ARHGAP44: variants seen among roughly 807,000 people sequenced by gnomAD.
ARHGAP44 encodes rho GTPase-activating protein 44.
Under a neutral mutation model 106.8 loss-of-function variants are expected in ARHGAP44, and 43 were observed. The ratio of observed to expected loss-of-function variants is 0.40; its 90% CI spans 0.32 to 0.52. The LOEUF (loss-of-function observed/expected upper bound fraction) is 0.52, where lower values mean the gene tolerates loss of function less well. ARHGAP44 is among the 20% of genes least tolerant of loss of function. ARHGAP44 has a pLI of 0.48. For missense variants in ARHGAP44, 866 were observed against 1,050.5 expected (o/e 0.82, Z 2.43); for synonymous variants, 439 against 410.3 (o/e 1.07, Z -0.85).
intron 1 of ARHGAP44, among the ~76,000 whole-genome samples, chr17:12,875,445 A>G (rs1404183595): frequency 6.6e-6 from 1 of 151,674 alleles, no homozygotes; most frequent in Non-Finnish European, 1.5e-5. Flanking sequence ...AGTTTTAAAA[A>G]TTGCCAGGTG....
intron 16 of ARHGAP44, among the ~76,000 whole-genome samples, chr17:12,962,801 T>G (rs909622469): frequency 1.3e-5 from 2 of 152,116 alleles, no homozygotes; most frequent in Admixed American, 6.5e-5. Context: ...AGCCCAGCAC[T>G]TTGGGTGGCC....
intron 3 of ARHGAP44, among the ~76,000 whole-genome samples, chr17:12,907,578 G>A (rs1434697515): frequency 6.6e-6 from 1 of 152,152 alleles, no homozygotes; most frequent in African/African-American, 2.4e-5. Flanking sequence ...TATAATATGT[G>A]TCCTTTTGTG....
intron 18 of ARHGAP44, among the ~76,000 whole-genome samples, chr17:12,974,861 T>TG (rs1310890853): frequency 2.0e-5 from 3 of 151,642 alleles, no homozygotes; most frequent in African/African-American, 7.3e-5. Context: ...AATTTTTTTT[T>TG]TTTTTCGAGA....
chr17:12,939,736 G>T (rs2038654655), intron 7 of ARHGAP44, among the ~76,000 whole-genome samples: 1 of 152,208 alleles, frequency 6.6e-6, no homozygotes, highest in Non-Finnish European at 1.5e-5. Flanking sequence ...AAAGTGCTGG[G>T]ATTACAGGCG....
chr17:12,941,224 A>G (rs759536829), intron 8 of ARHGAP44, 100 bp downstream of exon 8: 4 of 1,129,888 alleles, frequency 3.5e-6, no homozygotes, highest in Non-Finnish European at 5.2e-6. Context: ...ATCATAGAAA[A>G]AGGTGGGAGC....
In ARHGAP44 at chr17:12,898,956, G is replaced by GATTTATTT. The variant is rs71369351; in HGVS notation, c.198+2470_198+2477dup. Among the ~76,000 whole-genome samples the GATTTATTT allele has an allele frequency of 9.9e-4, 147 of 149,236 alleles. 1 individual carries two copies. Among genetic ancestry groups the GATTTATTT allele is most frequent in the Non-Finnish European group, 1.1e-3 (75 of 67,388 alleles). Reference sequence around the variant, plus strand: ...TATAGGTCAGTGATTTCACTGCATGGATTTATTTATTTATTTATTTATTTA... The same window carrying GATTTATTT: ...TATAGGTCAGTGATTTCACTGCATGGATTTATTTATTTATTTATTTATTTATTTATTTA... On this transcript the variant is annotated intron_variant, in intron 3 of 20. Coordinates refer to ENST00000379672, the MANE Select transcript of ARHGAP44 (RefSeq NM_014859.6).
chr17:12,839,606 G>T (rs1377588370), intron 1 of ARHGAP44, among the ~76,000 whole-genome samples: 1 of 152,146 alleles, frequency 6.6e-6, no homozygotes, highest in Non-Finnish European at 1.5e-5. Context: ...TTCTGCTTCA[G>T]AGTTTTGCAA....
chr17:12,986,262 G>C (rs1185287915), intron 20 of ARHGAP44: 3 of 152,152 alleles, frequency 2.0e-5, no homozygotes, highest in Non-Finnish European at 4.4e-5. Context: ...CATCTTGGTG[G>C]GTCTTGGTGC....
intron 4 of ARHGAP44, among the ~76,000 whole-genome samples, chr17:12,913,184 A>C (rs2037791780): frequency 6.6e-6 from 1 of 152,230 alleles, no homozygotes; most frequent in Non-Finnish European, 1.5e-5. Flanking sequence ...GAAGAAAAAA[A>C]TTAGCACACA....
chr17:12,822,019 A>G (rs1481101588), intron 1 of ARHGAP44, among the ~76,000 whole-genome samples: 2 of 152,166 alleles, frequency 1.3e-5, no homozygotes, highest in African/African-American at 4.8e-5. Flanking sequence ...CTAGGTGCCA[A>G]TTCTAGTTGA....
intron 1 of ARHGAP44, among the ~76,000 whole-genome samples, chr17:12,822,948 A>G (rs1358819156): frequency 6.6e-6 from 1 of 152,078 alleles, no homozygotes; most frequent in Non-Finnish European, 1.5e-5. Context: ...GTGAAGATAG[A>G]TTTTGCTTTC....
rs1345997979 is a variant in ARHGAP44, at chr17:12,973,322, A to G, written c.1541+3A>G. ...TGCAGCCTTAGGAAAATCCAAAGGT[A>G]TGGTATCCTCTGGTAGCTATGAGGC... is the stretch of plus-strand genomic sequence containing the variant. On this transcript the variant is annotated splice_donor_region_variant and intron_variant, in intron 17 of 20. Transcript: ENST00000379672. 4 of 1,608,386 alleles carry G rather than the reference A, an allele frequency of 2.5e-6. No individual in the cohort carries two copies. The highest frequency in any genetic ancestry group is 2.2e-5 in the East Asian group (1 of 44,800).
chr17:12,825,559 G>A (rs886428573), intron 1 of ARHGAP44, among the ~76,000 whole-genome samples: 5 of 152,038 alleles, frequency 3.3e-5, no homozygotes, highest in Non-Finnish European at 5.9e-5. Flanking sequence ...GAGAGTTGAC[G>A]TTGCTGTCTC....
Position 12,991,194 on chromosome 17 carries a change from C to A in ARHGAP44, c.*1023C>A, listed in dbSNP as rs2040131523. ...TCCCATCTGGTCATGGGGACGAGGG[C>A]CGGGAGGGCACCGGGTAGCCTTTTC... On this transcript the variant is annotated 3_prime_UTR_variant, in exon 21 of 21. Coordinates refer to ENST00000379672, the MANE Select transcript of ARHGAP44 (RefSeq NM_014859.6). The A allele has an allele frequency of 6.6e-6, 1 of 152,536 alleles. No homozygotes were observed. The highest frequency in any genetic ancestry group is 2.1e-4 in the South Asian group (1 of 4,834). 9.4% of individuals were successfully genotyped at this position (152,536 alleles called of 1,614,324 possible). A position where few individuals can be genotyped will look rare whatever the true frequency, so the allele number is the denominator to read the frequency against.
At chr17:12,963,954 T>C (rs1004727744) in intron 16 of ARHGAP44, among the ~76,000 whole-genome samples, 7 of 152,224 alleles carry the variant, frequency 4.6e-5, no homozygotes, top group Non-Finnish European at 1.0e-4. Context: ...GAATGAAGAA[T>C]TTGGCAATGC....
At position 12,949,738 on chromosome 17, in the gene ARHGAP44, C is replaced by T. The variant is rs761738728; in HGVS notation, c.1055+8C>T. ...GTGGATCCAGGCTTCCAAGTGAGTA[C>T]CCCTTGTTTTGGAATGTCCTGTGAG... is the stretch of plus-strand genomic sequence containing the variant. On this transcript the variant is annotated splice_region_variant and intron_variant, in intron 12 of 20. Coordinates refer to ENST00000379672, the MANE Select transcript of ARHGAP44 (RefSeq NM_014859.6). This position sits in a 1 kb window ranked among gnomAD's most constrained non-coding sequence, Gnocchi z 4.1. 4.4e-5 allele frequency: 71 copies of T among 1,610,754 alleles called. 1 individual carries two copies. The Middle Eastern group carries it at 1.2e-3, about 26-fold the overall frequency.
chr17:12,899,703 G>A (rs1393283518), intron 3 of ARHGAP44, among the ~76,000 whole-genome samples: 6 of 152,130 alleles, frequency 3.9e-5, no homozygotes, highest in African/African-American at 9.7e-5. Context: ...ACACGGGAGT[G>A]TGGGTCATAG....
At chr17:12,909,059 AC>A in intron 4 of ARHGAP44, 86 bp downstream of exon 4, 3 of 1,160,032 alleles carry the variant, frequency 2.6e-6, no homozygotes, top group Middle Eastern at 2.0e-4. Flanking sequence ...TCAGGGAAGC[AC>A]CTGAATTCTC....
intron 1 of ARHGAP44, among the ~76,000 whole-genome samples, chr17:12,794,494 T>C (rs1209698675): frequency 6.6e-6 from 1 of 152,208 alleles, no homozygotes; most frequent in Non-Finnish European, 1.5e-5. Flanking sequence ...TTTCAACAGC[T>C]ACTGCCCAGT....
Sources: gnomAD v4.1 joint callset for allele counts (sites outside exome capture counted in the v4.1 genomes callset) on GRCh38, gnomAD v4.1.1 for gene constraint, Gnocchi (gnomAD v3.1) non-coding constraint, MANE v1.5 for transcripts, NCBI Gene and HGNC (gene_info 2026-07-23, HGNC 2026-07-21) for gene names.